ESPNL: variants seen among roughly 807,000 people sequenced by gnomAD.
ESPNL encodes espin like.
A neutral mutation model predicts 46.8 loss-of-function variants in ESPNL; 49 were observed. The observed-to-expected ratio is 1.05, with a 90% CI of 0.83 to 1.33. ESPNL has a LOEUF of 1.33. Ranked by LOEUF, ESPNL falls within the 40% of genes most tolerant of loss-of-function variation. ESPNL has a pLI of 0.00. For missense variants in ESPNL, 1,540 were observed against 1,436.6 expected (o/e 1.07, Z -1.16); for synonymous variants, 664 against 662.1 (o/e 1.00, Z -0.04).
At chr2:238,117,997 G>A (rs576876395) in intron 5 of ESPNL, among the ~76,000 whole-genome samples, 104 of 151,704 alleles carry the variant, frequency 6.9e-4, no homozygotes, top group African/African-American at 2.2e-3. Context: ...GAGGAAGGTG[G>A]ATGGAGGAGG....
chr2:238,107,027 G>A (rs1001947766), intron 3 of ESPNL, among the ~76,000 whole-genome samples: 7 of 152,236 alleles, frequency 4.6e-5, no homozygotes, highest in East Asian at 1.9e-4. Flanking sequence ...TGGGGAAAGC[G>A]GGCACACTCA....
At position 238,117,040 on chromosome 2, in the gene ESPNL, G is replaced by A. The variant is rs763590106; in HGVS notation, c.987+6G>A. 6 of 1,606,526 alleles carry A rather than the reference G, an allele frequency of 3.7e-6. No individual in the cohort carries two copies. Among genetic ancestry groups the A allele is most frequent in the African/African-American group, 1.3e-5 (1 of 74,862 alleles). ...TGCGGGAGGTGGCCCAGCCGGTAAG[G>A]CTCAGGGTCCCCAGCTGCCCTGGAG... On this transcript the variant is annotated splice_donor_region_variant and intron_variant, in intron 5 of 8. Transcript: ENST00000343063.
chr2:238,118,920 GT>G, intron 5 of ESPNL, among the ~76,000 whole-genome samples: 1 of 119,636 alleles, frequency 8.4e-6, no homozygotes, highest in South Asian at 2.9e-4. Flanking sequence ...ATGGAGGAGG[GT>G]TAATGGAGGA....
At chr2:238,126,228 C>CTGTG (rs55760814) in intron 6 of ESPNL, among the ~76,000 whole-genome samples, 69,108 of 137,178 alleles carry the variant, frequency 0.5, 17,230 homozygotes, top group African/African-American at 0.68. Context: ...GTGTCTGTGT[C>CTGTG]TGTATTGTAT....
Position 238,131,327 on chromosome 2 carries a change from G to C in ESPNL, c.2613G>C (p.Pro871=), listed in dbSNP as rs552233510. 2 of 1,588,726 alleles carry C rather than the reference G, an allele frequency of 1.3e-6. No individual in the cohort carries two copies. Among genetic ancestry groups the C allele is most frequent in the African/African-American group, 1.3e-5 (1 of 74,524 alleles). ...GYFQLLECDL[P]AEERKLRHLL... is the part of the protein sequence containing the mutation. Reference sequence around the variant, plus strand: ...TCCAGCTGCTGGAGTGCGACCTGCCGGCGGAGGAGCGGAAGCTGCGCCACC... The same window carrying C: ...TCCAGCTGCTGGAGTGCGACCTGCCCGCGGAGGAGCGGAAGCTGCGCCACC... Residue 871 remains proline, a synonymous_variant, in exon 9 of 9, where the codon CCG becomes CCC. Transcript: ENST00000343063.
At position 238,119,440 on chromosome 2, in the gene ESPNL, G is replaced by GAGGGTGAA. The variant is rs1691930042; in HGVS notation, c.987+2406_987+2407insAGGGTGAA. ...GAGGAGGGTAGATGGAGGAGGGGAG[G>GAGGGTGAA]TGGAGGAGAGGAGGTTAGATGAAGG... On this transcript the variant is annotated intron_variant, in intron 5 of 8. Coordinates refer to ENST00000343063, the MANE Select transcript of ESPNL (RefSeq NM_194312.4). Among the ~76,000 whole-genome samples the GAGGGTGAA allele has an allele frequency of 3.7e-4, 40 of 107,112 alleles. 16 individuals carry two copies. Among genetic ancestry groups the GAGGGTGAA allele is most frequent in the East Asian group, 6.8e-4 (2 of 2,956 alleles). 70.3% of individuals were successfully genotyped at this position (107,112 alleles called of 152,430 possible). A position where few individuals can be genotyped will look rare whatever the true frequency, so the allele number is the denominator to read the frequency against.
chr2:238,126,428 GTGTC>G (rs779423190), intron 6 of ESPNL, among the ~76,000 whole-genome samples: 95 of 151,572 alleles, frequency 6.3e-4, no homozygotes, highest in Non-Finnish European at 8.2e-4. Flanking sequence ...TTGTGTTTGT[GTGTC>G]TGTGTCAGTG....
Position 238,131,710 on chromosome 2 carries a change from A to C in ESPNL, c.2996A>C (p.Glu999Ala), listed in dbSNP as rs1265177613. ...GCCTTCTGGAAGGAGAAGGAAGCTG[A>C]GATGTTCAACTTTGGAGAATGACCC... ...SFAFWKEKEA[E>A]MFNFGE The change falls in exon 9 of 9, where the codon GAG (glutamate) becomes GCG (alanine). Residue 999 changes from glutamate to alanine, a missense_variant. By Grantham distance (107) the Glu-to-Ala change is moderately radical. Coordinates refer to ENST00000343063, the MANE Select transcript of ESPNL (RefSeq NM_194312.4). 1 of 1,588,338 alleles carries C rather than the reference A, an allele frequency of 6.3e-7. No homozygotes were observed. The highest frequency in any genetic ancestry group is 1.1e-5 in the South Asian group (1 of 89,930).
At chr2:238,100,744 G>T in intron 1 of ESPNL, 31 bp downstream of exon 1, 1 of 1,395,914 alleles carries the variant, frequency 7.2e-7, no homozygotes, top group Admixed American at 3.3e-5. Flanking sequence ...CTGGCTCCAC[G>T]AAGCTGGCTG....
In ESPNL at chr2:238,107,984, C is replaced by A. The variant is rs749965624; in HGVS notation, c.855+11C>A. 1 of 1,603,178 alleles carries A rather than the reference C, an allele frequency of 6.2e-7. No individual in the cohort carries two copies. The highest frequency in any genetic ancestry group is 1.7e-5 in the Admixed American group (1 of 59,048). On this transcript the variant is annotated intron_variant, in intron 4 of 8. Transcript: ENST00000343063. ...AACGGGCAGATGGAGGTAAGGTGGGCGTGAGGGAGACAGGGTGAGCAGTCA... is the reference window on the plus strand; with the variant it reads ...AACGGGCAGATGGAGGTAAGGTGGGAGTGAGGGAGACAGGGTGAGCAGTCA...
chr2:238,103,055 C>A (rs1031336681), intron 2 of ESPNL, among the ~76,000 whole-genome samples: 4 of 152,230 alleles, frequency 2.6e-5, no homozygotes, highest in African/African-American at 9.7e-5. Flanking sequence ...AGCGTCCACA[C>A]CACCCTCAGC....
intron 5 of ESPNL, among the ~76,000 whole-genome samples, chr2:238,124,541 G>A (rs34627698): frequency 0.18 from 26,699 of 151,616 alleles, 2,470 homozygotes; most frequent in East Asian, 0.23. Context: ...GGGGGTGTGC[G>A]GGAGAGTGTA....
In ESPNL at chr2:238,116,810, G is replaced by A. The variant is rs956765908; in HGVS notation, c.856-93G>A. The stretch of plus-strand genomic sequence containing the variant: ...TGGGAAGGGCATCAGGGCAGCCTGC[G>A]CCATGGGGCAGGGGAGCGGCCCGCA... On this transcript the variant is annotated intron_variant, in intron 4 of 8. Transcript: ENST00000343063. 1.2e-4 allele frequency: 184 copies of A among 1,477,810 alleles called. No individual in the cohort carries two copies. In the East Asian group the frequency reaches 2.9e-3, roughly 24 times the overall value. 91.5% of individuals were successfully genotyped at this position (1,477,810 alleles called of 1,614,324 possible).
intron 5 of ESPNL, among the ~76,000 whole-genome samples, chr2:238,121,065 C>T (rs1033159425): frequency 1.3e-5 from 2 of 152,170 alleles, no homozygotes; most frequent in Non-Finnish European, 2.9e-5. Context: ...CTGTGGGGCC[C>T]GCCCAGCTCG....
At chr2:238,108,044 C>T (rs1015154426) in intron 4 of ESPNL, 71 bp downstream of exon 4, 2 of 1,396,942 alleles carry the variant, frequency 1.4e-6, no homozygotes, top group Non-Finnish European at 9.8e-7. Flanking sequence ...GTGTCACTGA[C>T]CCTCACAGCA....
chr2:238,127,152 GTGTA>G (rs1289278305), intron 6 of ESPNL, among the ~76,000 whole-genome samples: 3 of 151,722 alleles, frequency 2.0e-5, no homozygotes, highest in African/African-American at 7.3e-5. Context: ...TCTGTGTTGT[GTGTA>G]TGTGATTGTG....
intron 3 of ESPNL, among the ~76,000 whole-genome samples, chr2:238,106,046 C>T (rs1054003251): frequency 6.6e-6 from 1 of 152,214 alleles, no homozygotes; most frequent in Non-Finnish European, 1.5e-5. Flanking sequence ...CCCCGACCAT[C>T]CTCACTCCTG....
Position 238,122,519 on chromosome 2 carries a change from C to T in ESPNL, c.988-2751C>T, listed in dbSNP as rs13415225. 5.3e-3 allele frequency among the ~76,000 whole-genome samples: 813 copies of T among 152,306 alleles called. 5 individuals are homozygous for T. The highest frequency in any genetic ancestry group is 0.018 in the African/African-American group (761 of 41,564). On this transcript the variant is annotated intron_variant, in intron 5 of 8. Coordinates refer to ENST00000343063, the MANE Select transcript of ESPNL (RefSeq NM_194312.4). ...GAGCAGGGCTGGGCCACAGGGACCT[C>T]GAGTAAGGTCCCCCAGGCCACAGAT...
chr2:238,104,961 G>C, intron 3 of ESPNL, 119 bp downstream of exon 3: 1 of 905,310 alleles, frequency 1.1e-6, no homozygotes, highest in South Asian at 2.1e-5. Context: ...GGCTGTTGGG[G>C]CATCCGATGA....
Sources: allele counts gnomAD v4.1 joint callset (sites outside exome capture counted in the v4.1 genomes callset), GRCh38; gene constraint gnomAD v4.1.1; transcripts MANE v1.5; gene names NCBI Gene and HGNC (gene_info 2026-07-23, HGNC 2026-07-21).